Variants in MIB1 observed in about 807,000 individuals in gnomAD.
MIB1 encodes E3 ubiquitin-protein ligase MIB1.
Under a neutral mutation model 124.5 loss-of-function variants are expected in MIB1, and 278 were observed. The observed-to-expected ratio is 2.23, with a 90% CI of 2.02 to 2.47. The LOEUF is 2.47. Among genes scored for constraint, MIB1 ranks in the 30% most tolerant of loss-of-function variants. MIB1 has a pLI of 0.00. For synonymous variants in MIB1, 446 were observed against 429.4 expected (o/e 1.04, Z -0.48); for missense variants, 957 against 1,254.4 (o/e 0.76, Z 3.58).
chr18:21,837,018 A>G (rs2042039105), intron 12 of MIB1, among the ~76,000 whole-genome samples: 2 of 152,196 alleles, frequency 1.3e-5, no homozygotes, highest in African/African-American at 4.8e-5. Flanking sequence ...CATGAATGGG[A>G]TTTAGGAGTT....
At chr18:21,732,711 A>G (rs553659282) in intron 1 of MIB1, among the ~76,000 whole-genome samples, 10 of 152,100 alleles carry the variant, frequency 6.6e-5, no homozygotes, top group Non-Finnish European at 1.5e-4. Flanking sequence ...GAAACAAACG[A>G]TTTTTTAAGA....
intron 1 of MIB1, among the ~76,000 whole-genome samples, chr18:21,746,282 T>G (rs2040912137): frequency 1.3e-5 from 2 of 152,332 alleles, no homozygotes; most frequent in Admixed American, 1.3e-4. Context: ...CACTACATTT[T>G]GAAGATTTTG....
chr18:21,740,567 A>G (rs1280948077), upstream of MIB1, among the ~76,000 whole-genome samples: 2 of 152,264 alleles, frequency 1.3e-5, no homozygotes, highest in Non-Finnish European at 2.9e-5. Context: ...AAAACTGGCC[A>G]CATCACAGCC....
intron 8 of MIB1, among the ~76,000 whole-genome samples, chr18:21,799,263 G>T (rs1410916162): frequency 6.6e-6 from 1 of 151,968 alleles, no homozygotes; most frequent in African/African-American, 2.4e-5. Flanking sequence ...AAGGGTTTAG[G>T]TATATTCATC....
chr18:21,767,748 C>T lies in MIB1; in HGVS notation c.402-875C>T, dbSNP rs1170930666. ...ATTTTTAGTAGAGACAGGGTTTCAC[C>T]GTGTTAGTCAGGATGGTCTCGATCT... On this transcript the variant is annotated intron_variant, in intron 2 of 20. Transcript: ENST00000261537. Among the ~76,000 whole-genome samples the T allele has an allele frequency of 9.9e-5, 15 of 151,998 alleles. 1 individual carries two copies. The highest frequency in any genetic ancestry group is 6.6e-4 in the Admixed American group (10 of 15,250).
At chr18:21,844,018 C>G in intron 14 of MIB1, 74 bp from the exon 15 acceptor site, 1 of 1,453,008 alleles carries the variant, frequency 6.9e-7, no homozygotes, top group Non-Finnish European at 9.6e-7. Context: ...GGTGTTCTCA[C>G]CATTACTTTA....
intron 6 of MIB1, among the ~76,000 whole-genome samples, chr18:21,781,403 A>ATATATATG (rs2041364485): frequency 1.3e-5 from 1 of 76,750 alleles, no homozygotes; most frequent in Non-Finnish European, 2.4e-5. Flanking sequence ...ATATATATAT[A>ATATATATG]TATATATATA....
intron 12 of MIB1, among the ~76,000 whole-genome samples, chr18:21,820,720 A>G (rs1381569784): frequency 6.6e-6 from 1 of 152,222 alleles, no homozygotes; most frequent in Non-Finnish European, 1.5e-5. Flanking sequence ...AGTGCTTCAC[A>G]TGCATCATCT....
At chr18:21,795,203 GAGTA>G (rs1316502700) in intron 7 of MIB1, among the ~76,000 whole-genome samples, 1 of 148,524 alleles carries the variant, frequency 6.7e-6, no homozygotes, top group Non-Finnish European at 1.5e-5. Context: ...TATTAGGAAA[GAGTA>G]AGGACACATG....
intron 1 of MIB1, among the ~76,000 whole-genome samples, chr18:21,713,048 C>T (rs577517009): frequency 6.6e-6 from 1 of 152,204 alleles, no homozygotes; most frequent in Non-Finnish European, 1.5e-5. Context: ...TTGAATCAGT[C>T]TTGGGGTCAA....
At chr18:21,820,666 A>G (rs900265233) in intron 12 of MIB1, among the ~76,000 whole-genome samples, 1 of 152,200 alleles carries the variant, frequency 6.6e-6, no homozygotes, top group Non-Finnish European at 1.5e-5. Context: ...CTGCCCTTCA[A>G]ACAGAAGATT....
intron 2 of MIB1, among the ~76,000 whole-genome samples, chr18:21,766,881 T>G (rs1291293843): frequency 6.6e-6 from 1 of 151,898 alleles, no homozygotes; most frequent in Non-Finnish European, 1.5e-5. Flanking sequence ...TCTATTAAAA[T>G]AAGTAAATAA....
chr18:21,835,840 A>ACACACACACACACACACACACAAACAC (rs1555695330), intron 12 of MIB1, among the ~76,000 whole-genome samples: 9 of 108,056 alleles, frequency 8.3e-5, no homozygotes, highest in East Asian at 2.7e-4. Flanking sequence ...CACACACACA[A>ACACACACACACACACACACACAAACAC]ACACACACGA....
At chr18:21,739,856 G>C (rs1041989193), upstream of MIB1, among the ~76,000 whole-genome samples, 3 of 151,778 alleles carry the variant, frequency 2.0e-5, no homozygotes, top group Non-Finnish European at 2.9e-5. Flanking sequence ...CGGAGGTTGC[G>C]GGGAACGGAG....
At chr18:21,792,355 AC>A (rs1437070907) in intron 7 of MIB1, among the ~76,000 whole-genome samples, 2 of 151,628 alleles carry the variant, frequency 1.3e-5, no homozygotes, top group East Asian at 1.9e-4. Context: ...GTATCCTATT[AC>A]CCCCACTCTA....
intron 16 of MIB1, 87 bp downstream of exon 16, chr18:21,847,212 A>T: frequency 8.8e-7 from 1 of 1,137,680 alleles, no homozygotes; most frequent in Non-Finnish European, 1.2e-6. Flanking sequence ...CTACTTGAAA[A>T]TGTCTTCATC....
At chr18:21,847,703 CTG>C (rs200533376) in intron 16 of MIB1, among the ~76,000 whole-genome samples, 1,899 of 152,276 alleles carry the variant, frequency 0.012, 19 homozygotes, top group Non-Finnish European at 0.018. Flanking sequence ...CTCACACAAA[CTG>C]TAGCACCCTG....
chr18:21,782,481 G>A (rs921986283), intron 6 of MIB1, among the ~76,000 whole-genome samples: 92 of 152,130 alleles, frequency 6.0e-4, no homozygotes, highest in African/African-American at 2.1e-3. Context: ...TGCTTTTTCT[G>A]TATTTCATGG....
intron 1 of MIB1, among the ~76,000 whole-genome samples, chr18:21,715,849 A>G (rs2040687477): frequency 6.6e-6 from 1 of 152,180 alleles, no homozygotes; most frequent in South Asian, 2.1e-4. Flanking sequence ...CAAAGCCTCT[A>G]AGAAATCTGA....
Sources: gnomAD v4.1 joint callset for allele counts (sites outside exome capture counted in the v4.1 genomes callset) on GRCh38, gnomAD v4.1.1 for gene constraint, MANE v1.5 for transcripts, NCBI Gene and HGNC (gene_info 2026-07-23, HGNC 2026-07-21) for gene names.